Variants in PLEKHA7 observed in about 807,000 individuals in gnomAD.
PLEKHA7 encodes pleckstrin homology domain-containing family A member 7.
PLEKHA7 carries 104 observed loss-of-function variants against 170.0 expected under a neutral mutation model. The observed-to-expected ratio is 0.61, with a 90% CI of 0.52 to 0.72. PLEKHA7 has a LOEUF of 0.72. PLEKHA7 is among the 30% of genes least tolerant of loss of function. The pLI is 0.00. For missense variants in PLEKHA7, 1,615 were observed against 1,671.7 expected (o/e 0.97, Z 0.59); for synonymous variants, 648 against 660.8 (o/e 0.98, Z 0.30).
At chr11:16,894,530 G>A (rs1171594284) in intron 3 of PLEKHA7, among the ~76,000 whole-genome samples, 1 of 152,214 alleles carries the variant, frequency 6.6e-6, no homozygotes, top group African/African-American at 2.4e-5. Flanking sequence ...GCAGGAGAGA[G>A]GTATCAAATA....
rs1356643156 is a variant in PLEKHA7 at position 16,885,309 on chromosome 11, G to A, written c.222-14127C>T. 6.7e-5 allele frequency among the ~76,000 whole-genome samples: 10 copies of A among 148,378 alleles called. No homozygotes were observed. The South Asian group carries it at 1.3e-3, about 19-fold the overall frequency. On this transcript the variant is annotated intron_variant, in intron 3 of 26. Coordinates refer to ENST00000531066, the MANE Select transcript of PLEKHA7 (RefSeq NM_001329630.2). ...CAAGCCACTGCACTCCAGCCTGGGC[G>A]ACAGAGTGAGACTCCATCTCAAAAA... is the stretch of plus-strand genomic sequence containing the variant.
Position 16,855,907 on chromosome 11 carries a change from G to A in PLEKHA7, c.313C>T (p.Pro105Ser). 1.9e-6 allele frequency: 3 copies of A among 1,613,474 alleles called. No homozygotes were observed. Among genetic ancestry groups the A allele is most frequent in the Middle Eastern group, 1.7e-4 (1 of 6,060 alleles). Residue 105 changes from proline to serine, a missense_variant, in exon 5 of 27, where the codon CCA becomes TCA. Coordinates refer to ENST00000531066, the MANE Select transcript of PLEKHA7 (RefSeq NM_001329630.2). ...TTTCTGTCTTGCTTCGACATATGTG[G>A]ATTCGGCCTGTGAGGAGACAGGGGA... is the stretch of plus-strand genomic sequence containing the variant. ...SEFILQEEPNPHMSKQDRNQR... is the reference protein window; with the variant it reads ...SEFILQEEPNSHMSKQDRNQR...
At chr11:16,779,329 C>T (rs1464346693) in intron 26 of PLEKHA7, among the ~76,000 whole-genome samples, 1 of 152,266 alleles carries the variant, frequency 6.6e-6, no homozygotes, top group Non-Finnish European at 1.5e-5. Flanking sequence ...GGGTAGCGCT[C>T]TTGGCCTCTG....
At chr11:16,922,451 C>T (rs1859167925) in intron 3 of PLEKHA7, among the ~76,000 whole-genome samples, 1 of 152,178 alleles carries the variant, frequency 6.6e-6, no homozygotes, top group South Asian at 2.1e-4. Context: ...GAGCCCAAGC[C>T]TCCAAAGAAA....
intron 3 of PLEKHA7, among the ~76,000 whole-genome samples, chr11:16,875,224 T>C (rs1027315659): frequency 1.3e-5 from 2 of 152,212 alleles, no homozygotes; most frequent in Non-Finnish European, 2.9e-5. Flanking sequence ...GCTTTAACTA[T>C]GCTTACATTC....
chr11:16,981,995 T>C (rs1023046990), intron 3 of PLEKHA7, among the ~76,000 whole-genome samples: 4 of 152,152 alleles, frequency 2.6e-5, no homozygotes, highest in Non-Finnish European at 1.5e-5. Context: ...CCCTTCGGCA[T>C]GCAAGACACC....
chr11:16,997,973 T>C (rs755514545), intron 3 of PLEKHA7, among the ~76,000 whole-genome samples: 11 of 152,082 alleles, frequency 7.2e-5, no homozygotes, highest in Non-Finnish European at 1.2e-4. Flanking sequence ...GAACCCCAGA[T>C]AGGGAACGCT....
intron 3 of PLEKHA7, among the ~76,000 whole-genome samples, chr11:16,928,106 CACA>C (rs1363455811): frequency 1.3e-5 from 2 of 152,124 alleles, no homozygotes; most frequent in Non-Finnish European, 2.9e-5. Flanking sequence ...ATGTCATCCT[CACA>C]ACAAGTAAAT....
intron 23 of PLEKHA7, 138 bp from the exon 24 acceptor site, chr11:16,786,525 T>C (rs1420748210): frequency 9.6e-6 from 14 of 1,465,946 alleles, no homozygotes; most frequent in Non-Finnish European, 1.3e-5. Context: ...CAATAGAGAA[T>C]GAAGCTGCTG....
chr11:16,876,170 T>C (rs1309340776), intron 3 of PLEKHA7, among the ~76,000 whole-genome samples: 39 of 152,278 alleles, frequency 2.6e-4, no homozygotes, highest in Non-Finnish European at 1.8e-4. Context: ...ATGAAGAGTC[T>C]CATGTCCTAT....
intron 24 of PLEKHA7, among the ~76,000 whole-genome samples, chr11:16,785,297 G>A (rs1054304991): frequency 3.3e-5 from 5 of 152,184 alleles, no homozygotes; most frequent in Admixed American, 6.5e-5. Flanking sequence ...TTGAGGTCTC[G>A]CCTCGATCCA....
Position 16,801,048 on chromosome 11 carries a change from G to A in PLEKHA7, c.2335C>T (p.Leu779=), listed in dbSNP as rs1242915335. Residue 779 remains leucine (L), a synonymous_variant, in exon 17 of 27, where the codon CTG becomes TTG. Transcript: ENST00000531066. ...TEMENAWNEY[L]KLENDVEQLK... ...TGTTCCACATCATTCTCCAACTTCA[G>A]GTATTCGTTCCAAGCATTTTCCATC... The A allele has an allele frequency of 6.2e-7, 1 of 1,614,232 alleles. No individual in the cohort carries two copies. The highest frequency in any genetic ancestry group is 8.5e-7 in the Non-Finnish European group (1 of 1,180,044).
At position 16,817,066 on chromosome 11, in the gene PLEKHA7, G is replaced by A. The variant is rs779307023; in HGVS notation, c.1600C>T (p.His534Tyr). The A allele has an allele frequency of 6.2e-7, 1 of 1,612,092 alleles. No homozygotes were observed. Among genetic ancestry groups the A allele is most frequent in the East Asian group, 2.2e-5 (1 of 44,826 alleles). ...CAGATGGGCGCTGTGGGGCTGCCGT[G>A]CCGGAACTGCTGGCGCTGCTGCCAC... is the stretch of plus-strand genomic sequence containing the variant. ...YEWQQRQQFR[H>Y]GSPTAPICLG... The change falls in exon 11 of 27, where the codon CAC (histidine) becomes TAC (tyrosine). Residue 534 changes from histidine (H) to tyrosine (Y), a missense_variant. Physicochemically the swap from His to Tyr is moderately conservative, Grantham distance 83. Coordinates refer to ENST00000531066, the MANE Select transcript of PLEKHA7 (RefSeq NM_001329630.2). The surrounding 1 kb of genome is among the most constrained non-coding windows in gnomAD (Gnocchi z 4.4).
At chr11:16,955,244 G>C (rs1349823619) in intron 3 of PLEKHA7, among the ~76,000 whole-genome samples, 1 of 152,176 alleles carries the variant, frequency 6.6e-6, no homozygotes, top group African/African-American at 2.4e-5. Flanking sequence ...TTTTCCTGGA[G>C]TATTCCTCTG....
At position 16,865,527 on chromosome 11, in the gene PLEKHA7, C is replaced by T. The variant is rs2135581953; in HGVS notation, c.305+5572G>A. ...CTGCTTGAGGCTAGAAGTTCAAGAC[C>T]AGCCTGGGCAACACAGTGAAACCCC... On this transcript the variant is annotated intron_variant, in intron 4 of 26. Coordinates refer to ENST00000531066, the MANE Select transcript of PLEKHA7 (RefSeq NM_001329630.2). Among the ~76,000 whole-genome samples, 3 of 152,192 alleles carry T rather than the reference C, an allele frequency of 2.0e-5. 1 individual carries two copies. The Middle Eastern group carries it at 0.01, about 518-fold the overall frequency.
intron 3 of PLEKHA7, among the ~76,000 whole-genome samples, chr11:16,932,632 A>G (rs896841966): frequency 1.3e-5 from 2 of 152,252 alleles, no homozygotes; most frequent in Non-Finnish European, 2.9e-5. Flanking sequence ...AATCATGACT[A>G]GTAACCACCA....
chr11:16,851,970 G>C (rs937259312), intron 7 of PLEKHA7, among the ~76,000 whole-genome samples: 1 of 152,206 alleles, frequency 6.6e-6, no homozygotes, highest in African/African-American at 2.4e-5. Context: ...CAGAAGCTCA[G>C]ATGGCCAATT....
chr11:16,962,776 G>A, intron 3 of PLEKHA7, among the ~76,000 whole-genome samples: 1 of 152,174 alleles, frequency 6.6e-6, no homozygotes, highest in Admixed American at 6.5e-5. Context: ...GCACCTTGAT[G>A]TGGTCCTTTG....
At position 16,822,305 on chromosome 11, in the gene PLEKHA7, G is replaced by A. The variant is rs545490920; in HGVS notation, c.1343+3815C>T. On this transcript the variant is annotated intron_variant, in intron 10 of 26. Coordinates refer to ENST00000531066, the MANE Select transcript of PLEKHA7 (RefSeq NM_001329630.2). ...TGATTTCAACCCCTCCTTTTACTCT[G>A]CGTCCTGAGCTAACTTTGACCCTGT... Among the ~76,000 whole-genome samples the A allele has an allele frequency of 4.6e-5, 7 of 152,000 alleles. No individual in the cohort carries two copies. The East Asian group carries it at 1.4e-3, about 29-fold the overall frequency.
Sources: allele counts gnomAD v4.1 joint callset (sites outside exome capture counted in the v4.1 genomes callset), GRCh38; gene constraint gnomAD v4.1.1; non-coding constraint Gnocchi (gnomAD v3.1); transcripts MANE v1.5; gene names NCBI Gene and HGNC (gene_info 2026-07-23, HGNC 2026-07-21).